The following TYW1B variants were observed in gnomAD, a reference collection of about 807,000 sequenced individuals.
TYW1B encodes tRNA-yW synthesizing protein 1 homolog B.
In TYW1B, 73 loss-of-function variants were observed where a neutral mutation model predicts 86.9. That is an observed-to-expected ratio of 0.84 (90% CI 0.70 to 1.02). The LOEUF (loss-of-function observed/expected upper bound fraction) is 1.02, where lower values mean the gene tolerates loss of function less well. Ranked by LOEUF, TYW1B falls within the 50% of genes least tolerant of loss-of-function variation. The pLI is 0.00. For synonymous variants in TYW1B, 248 were observed against 292.8 expected (o/e 0.85, Z 1.56); for missense variants, 637 against 827.4 (o/e 0.77, Z 2.82).
At chr7:72,646,626 G>A (rs1347881967) in intron 11 of TYW1B, among the ~76,000 whole-genome samples, 1 of 152,050 alleles carries the variant, frequency 6.6e-6, no homozygotes, top group Non-Finnish European at 1.5e-5. Flanking sequence ...TGCCTGCCTC[G>A]GCCTCCCAGA....
intron 11 of TYW1B, among the ~76,000 whole-genome samples, chr7:72,659,541 G>A (rs1554444182): frequency 6.6e-6 from 1 of 152,174 alleles, no homozygotes; most frequent in Admixed American, 6.5e-5. Context: ...TCATGCCACT[G>A]CACTCTAGCC....
At chr7:72,674,816 C>T (rs1813698352) in intron 11 of TYW1B, among the ~76,000 whole-genome samples, 1 of 145,244 alleles carries the variant, frequency 6.9e-6, no homozygotes, top group Non-Finnish European at 1.5e-5. Context: ...AGGCTAGTCT[C>T]AAACTCCTGG....
chr7:72,748,279 A>G (rs1425990377), intron 7 of TYW1B, among the ~76,000 whole-genome samples: 12 of 152,164 alleles, frequency 7.9e-5, no homozygotes, highest in African/African-American at 2.9e-4. Flanking sequence ...AAAAAAAAAA[A>G]TACAGAATAC....
At chr7:72,609,489 G>A (rs1365918783) in intron 13 of TYW1B, among the ~76,000 whole-genome samples, 1 of 152,094 alleles carries the variant, frequency 6.6e-6, no homozygotes, top group African/African-American at 2.4e-5. Flanking sequence ...AGCCTGGGAG[G>A]TAGAGGTTGC....
chr7:72,587,709 C>T (rs1230226951), intron 13 of TYW1B, among the ~76,000 whole-genome samples: 1 of 152,140 alleles, frequency 6.6e-6, no homozygotes, highest in Non-Finnish European at 1.5e-5. Context: ...AATTTCTAAT[C>T]GTTTGGCTAA....
chr7:72,761,253 T>C (rs1554467139), intron 7 of TYW1B, among the ~76,000 whole-genome samples: 1 of 152,156 alleles, frequency 6.6e-6, no homozygotes, highest in African/African-American at 2.4e-5. Flanking sequence ...TTCTCATCTA[T>C]AAAACAGTTA....
At chr7:72,804,186 G>A (rs1227587293) in intron 5 of TYW1B, among the ~76,000 whole-genome samples, 2 of 151,360 alleles carry the variant, frequency 1.3e-5, no homozygotes, top group Admixed American at 1.3e-4. Flanking sequence ...TCCAAAGGCT[G>A]AGACAGGAGA....
intron 8 of TYW1B, among the ~76,000 whole-genome samples, chr7:72,739,476 C>T (rs369333252): frequency 1.8e-4 from 28 of 151,820 alleles, no homozygotes; most frequent in East Asian, 3.9e-4. Flanking sequence ...CATGGTGGCA[C>T]GCACCTGTAA....
intron 13 of TYW1B, among the ~76,000 whole-genome samples, chr7:72,605,352 T>C (rs1169442115): frequency 1.3e-5 from 2 of 151,416 alleles, no homozygotes; most frequent in Non-Finnish European, 2.9e-5. Flanking sequence ...TTTTTTTTGT[T>C]TGTTTTGTTT....
intron 11 of TYW1B, among the ~76,000 whole-genome samples, chr7:72,662,256 G>T (rs1554444548): frequency 6.6e-6 from 1 of 152,204 alleles, no homozygotes; most frequent in East Asian, 1.9e-4. Flanking sequence ...TCTTTAAATA[G>T]TTAGCTTTGA....
chr7:72,577,259 A>C (rs1811044811), intron 13 of TYW1B, among the ~76,000 whole-genome samples: 1 of 152,192 alleles, frequency 6.6e-6, no homozygotes, highest in African/African-American at 2.4e-5. Context: ...TGTTGAATTT[A>C]AATGACATCT....
chr7:72,787,713 G>A (rs1563094062), intron 6 of TYW1B, among the ~76,000 whole-genome samples: 2 of 151,954 alleles, frequency 1.3e-5, no homozygotes, highest in Non-Finnish European at 2.9e-5. Flanking sequence ...AGAGGCTGCA[G>A]TGAGCCAAGA....
intron 13 of TYW1B, among the ~76,000 whole-genome samples, chr7:72,605,641 C>T (rs535909010): frequency 1.8e-4 from 28 of 152,196 alleles, no homozygotes; most frequent in East Asian, 5.8e-4. Context: ...TGTGAGCCAC[C>T]GTGCCTGGCC....
intron 7 of TYW1B, among the ~76,000 whole-genome samples, chr7:72,770,953 CTTTTTTTTTTT>C (rs202136569): frequency 2.2e-4 from 19 of 87,500 alleles, no homozygotes; most frequent in Middle Eastern, 7.1e-3. Flanking sequence ...TATGAATTTC[CTTTTTTTTTTT>C]TTTTTTTTTT....
At chr7:72,697,536 C>A (rs1192582886) in intron 10 of TYW1B, among the ~76,000 whole-genome samples, 1 of 152,170 alleles carries the variant, frequency 6.6e-6, no homozygotes, top group African/African-American at 2.4e-5. Flanking sequence ...TCACACTGGT[C>A]TCTATTCACC....
chr7:72,815,941 A>T (rs1229688151), intron 2 of TYW1B, among the ~76,000 whole-genome samples: 3 of 152,282 alleles, frequency 2.0e-5, no homozygotes, highest in South Asian at 2.1e-4. Context: ...AGAAGGAAGG[A>T]TCCCCTGAGC....
At chr7:72,679,208 T>C (rs1230177533) in intron 11 of TYW1B, among the ~76,000 whole-genome samples, 1 of 152,238 alleles carries the variant, frequency 6.6e-6, no homozygotes, top group East Asian at 1.9e-4. Flanking sequence ...TAGGACAGGC[T>C]ACGGCGACAA....
intron 13 of TYW1B, among the ~76,000 whole-genome samples, chr7:72,589,881 A>G (rs1811356233): frequency 6.6e-6 from 1 of 151,918 alleles, no homozygotes. Context: ...TGTCTCAAAA[A>G]TAAACAAACA....
intron 8 of TYW1B, among the ~76,000 whole-genome samples, chr7:72,734,268 A>AAAAAAAAAAAAACAC (rs56806378): frequency 3.0e-4 from 29 of 98,152 alleles, no homozygotes; most frequent in African/African-American, 8.8e-4. Flanking sequence ...AAAAAAAAAA[A>AAAAAAAAAAAAACAC]ACACAACAAA....
Sources: gnomAD v4.1 joint callset for allele counts (sites outside exome capture counted in the v4.1 genomes callset) on GRCh38, gnomAD v4.1.1 for gene constraint, MANE v1.5 for transcripts, NCBI Gene and HGNC (gene_info 2026-07-23, HGNC 2026-07-21) for gene names.